UNC5D: variants seen among roughly 807,000 people sequenced by gnomAD.
The protein encoded by UNC5D is netrin receptor UNC5D.
UNC5D carries 39 observed loss-of-function variants against 105.4 expected under a neutral mutation model. The ratio of observed to expected loss-of-function variants is 0.37; its 90% confidence interval spans 0.29 to 0.48. UNC5D has a LOEUF of 0.48. Among genes scored for constraint, UNC5D ranks in the 20% least tolerant of loss-of-function variants. UNC5D has a pLI of 0.98. For missense variants in UNC5D, 991 were observed against 1,202.4 expected, an observed-to-expected ratio of 0.82 and a Z score of 2.60; for synonymous variants, 452 against 450.4, an observed-to-expected ratio of 1.00 and a Z score of -0.04.
intron 7 of UNC5D, among the ~76,000 whole-genome samples, chr8:35,703,326 C>T (rs1827335680): frequency 6.6e-6 from 1 of 152,084 alleles, no homozygotes; most frequent in South Asian, 2.1e-4. Flanking sequence ...CATGCTTAAT[C>T]AACAGTAGCA....
At position 35,381,559 on chromosome 8, in the gene UNC5D, TC is replaced by T. The variant is rs557930761; in HGVS notation, c.103+145673del. 1.8e-4 allele frequency among the ~76,000 whole-genome samples: 28 copies of T among 152,328 alleles called. No homozygotes were observed. The South Asian group carries it at 2.1e-3, about 11-fold the overall frequency. On this transcript the variant is annotated intron_variant, in intron 1 of 16. Transcript: ENST00000404895. ...GGCCGTGATTATGTGTCTTAACTAT[TC>T]TTATTTAGAGTGAGTCATTTAATTC...
At chr8:35,684,876 C>T (rs780446148) in intron 6 of UNC5D, 127 bp downstream of exon 6, 75 of 1,228,888 alleles carry the variant, frequency 6.1e-5, no homozygotes, top group Non-Finnish European at 7.9e-5. Context: ...GAACATTTAT[C>T]CAAGGTGCTA....
intron 1 of UNC5D, among the ~76,000 whole-genome samples, chr8:35,268,971 C>A (rs962856093): frequency 2.0e-5 from 3 of 152,098 alleles, no homozygotes; most frequent in African/African-American, 7.2e-5. Flanking sequence ...GGAGGATGAA[C>A]CACGAATTCA....
intron 4 of UNC5D, among the ~76,000 whole-genome samples, chr8:35,603,170 C>G (rs1316265756): frequency 6.6e-6 from 1 of 151,960 alleles, no homozygotes; most frequent in Non-Finnish European, 1.5e-5. Flanking sequence ...CCTGCTTTCT[C>G]TTGTGGGCAT....
intron 15 of UNC5D, among the ~76,000 whole-genome samples, chr8:35,769,400 T>C (rs1341853703): frequency 6.6e-6 from 1 of 152,166 alleles, no homozygotes; most frequent in Non-Finnish European, 1.5e-5. Flanking sequence ...GGGACTCAGG[T>C]ACTAGTGACA....
intron 1 of UNC5D, among the ~76,000 whole-genome samples, chr8:35,385,701 G>C (rs981091950): frequency 2.0e-5 from 3 of 151,916 alleles, no homozygotes; most frequent in Non-Finnish European, 1.5e-5. Flanking sequence ...TCCTGACCTC[G>C]TGATCCACCT....
At chr8:35,236,982 G>T (rs1315605262) in intron 1 of UNC5D, among the ~76,000 whole-genome samples, 1 of 151,986 alleles carries the variant, frequency 6.6e-6, no homozygotes, top group Non-Finnish European at 1.5e-5. Flanking sequence ...AACATGCTCC[G>T]ACCAGCCTGG....
intron 13 of UNC5D, among the ~76,000 whole-genome samples, chr8:35,758,074 C>A (rs1391131371): frequency 6.6e-6 from 1 of 152,112 alleles, no homozygotes; most frequent in Non-Finnish European, 1.5e-5. Context: ...CAACACTGAC[C>A]CTTGGGCCCC....
chr8:35,757,511 G>C (rs1367767364), intron 13 of UNC5D, among the ~76,000 whole-genome samples: 1 of 152,012 alleles, frequency 6.6e-6, no homozygotes, highest in Non-Finnish European at 1.5e-5. Flanking sequence ...CTCCTTTCCT[G>C]GTCTGTCCTC....
rs1046585458 is a variant in UNC5D at position 35,315,399 on chromosome 8, G to C, written c.103+79512G>C. 2.0e-5 allele frequency among the ~76,000 whole-genome samples: 3 copies of C among 152,118 alleles called. No homozygotes were observed. The South Asian group carries it at 6.2e-4, about 31-fold the overall frequency. On this transcript the variant is annotated intron_variant, in intron 1 of 16. Transcript: ENST00000404895. ...TGGGATGGCCTCATTCACATGTTTG[G>C]CAATTGTTTTTCTTTTGGCTGGGGC...
chr8:35,788,336 C>T (rs1802846374), intron 16 of UNC5D, among the ~76,000 whole-genome samples: 1 of 152,092 alleles, frequency 6.6e-6, no homozygotes, highest in Non-Finnish European at 1.5e-5. Flanking sequence ...GTAATACCAT[C>T]CTCAAAATAG....
chr8:35,550,988 C>G (rs1816092111), intron 2 of UNC5D, among the ~76,000 whole-genome samples: 1 of 152,146 alleles, frequency 6.6e-6, no homozygotes, highest in South Asian at 2.1e-4. Flanking sequence ...CTAGAAAACT[C>G]AGTTTAATCA....
At chr8:35,585,005 A>G (rs1454797944) in intron 3 of UNC5D, among the ~76,000 whole-genome samples, 1 of 152,200 alleles carries the variant, frequency 6.6e-6, no homozygotes, top group Non-Finnish European at 1.5e-5. Context: ...TCAATAGAGA[A>G]TACTTTAAAT....
At chr8:35,366,415 G>C (rs980776058) in intron 1 of UNC5D, among the ~76,000 whole-genome samples, 3 of 151,864 alleles carry the variant, frequency 2.0e-5, no homozygotes, top group Non-Finnish European at 2.9e-5. Flanking sequence ...AATTACACTC[G>C]GTCTTCAGGT....
At chr8:35,355,624 G>A (rs1222213206) in intron 1 of UNC5D, among the ~76,000 whole-genome samples, 1 of 152,160 alleles carries the variant, frequency 6.6e-6, no homozygotes, top group East Asian at 1.9e-4. Context: ...CAATTCTTTG[G>A]CTCTCTTACT....
At chr8:35,326,188 G>T (rs529770114) in intron 1 of UNC5D, among the ~76,000 whole-genome samples, 1 of 152,294 alleles carries the variant, frequency 6.6e-6, no homozygotes, top group East Asian at 1.9e-4. Flanking sequence ...CTGTCCCCTT[G>T]ACTGGAATGT....
At chr8:35,644,590 A>G (rs989791960) in intron 4 of UNC5D, among the ~76,000 whole-genome samples, 1 of 152,210 alleles carries the variant, frequency 6.6e-6, no homozygotes, top group East Asian at 1.9e-4. Context: ...GGCTGATTAT[A>G]TCAGACTGAA....
Position 35,235,909 on chromosome 8 carries a change from C to CACCT in UNC5D, c.103+23_103+24insCCTA. The CACCT allele has an allele frequency of 3.3e-6, 4 of 1,226,658 alleles. No individual in the cohort carries two copies. In the East Asian group the frequency reaches 9.6e-5, roughly 29 times the overall value. 76.0% of individuals were successfully genotyped at this position (1,226,658 alleles called of 1,614,324 possible). A position where few individuals can be genotyped will look rare whatever the true frequency, so the allele number is the denominator to read the frequency against. The stretch of plus-strand genomic sequence containing the variant: ...CGAGGTAAGCGCTGGGCGGAGCGGG[C>CACCT]AGCTGGGGGCGAGGGCGCAGGGGCG... On this transcript the variant is annotated intron_variant, in intron 1 of 16. Coordinates refer to ENST00000404895, the MANE Select transcript of UNC5D (RefSeq NM_080872.4).
chr8:35,635,296 T>G (rs1822294865), intron 4 of UNC5D, among the ~76,000 whole-genome samples: 1 of 152,182 alleles, frequency 6.6e-6, no homozygotes, highest in Non-Finnish European at 1.5e-5. Flanking sequence ...TCCTATGTAT[T>G]GATACCTCTC....
Sources: gnomAD v4.1 joint callset for allele counts (sites outside exome capture counted in the v4.1 genomes callset) on GRCh38, gnomAD v4.1.1 for gene constraint, MANE v1.5 for transcripts, NCBI Gene and HGNC (gene_info 2026-07-23, HGNC 2026-07-21) for gene names.